Variants in TRIO observed in about 807,000 individuals in gnomAD.
The protein encoded by TRIO is trio Rho guanine nucleotide exchange factor, also known as triple functional domain protein.
Under a neutral mutation model 351.9 loss-of-function variants are expected in TRIO, and 58 were observed. That is an observed-to-expected ratio of 0.16 (90% CI 0.13 to 0.21). The LOEUF (loss-of-function observed/expected upper bound fraction) is 0.21. Ranked by LOEUF, TRIO falls within the 10% of genes least tolerant of loss-of-function variation. The probability of loss-of-function intolerance (pLI) is 1.00; values close to 1 mark genes in which losing one functional copy is unlikely to be tolerated. For synonymous variants in TRIO, 1,758 were observed against 1,595.7 expected (o/e 1.10, Z -2.42); for missense variants, 3,201 against 4,027.8 (o/e 0.79, Z 5.56).
At chr5:14,281,417 C>T (rs1296877121) in intron 3 of TRIO, among the ~76,000 whole-genome samples, 3 of 119,420 alleles carry the variant, frequency 2.5e-5, no homozygotes, top group Admixed American at 1.7e-4. Flanking sequence ...GGTGCTAAGC[C>T]GTTAGAACCC....
chr5:14,174,033 T>C (rs1004212623), intron 1 of TRIO, among the ~76,000 whole-genome samples: 1 of 152,228 alleles, frequency 6.6e-6, no homozygotes, highest in Non-Finnish European at 1.5e-5. Context: ...CAGAGAAATA[T>C]GTCTGCTGAC....
At chr5:14,150,971 C>A (rs929928325) in intron 1 of TRIO, among the ~76,000 whole-genome samples, 7 of 152,166 alleles carry the variant, frequency 4.6e-5, no homozygotes, top group Non-Finnish European at 5.9e-5. Flanking sequence ...TAGCTATAGA[C>A]AGTTACCATT....
chr5:14,286,943 C>G lies in TRIO; in HGVS notation c.420C>G (p.Pro140=), dbSNP rs761175553. The G allele has an allele frequency of 6.2e-7, 1 of 1,614,128 alleles. No homozygotes were observed. The highest frequency in any genetic ancestry group is 1.7e-5 in the Admixed American group (1 of 60,022). The change falls in exon 4 of 57, where the codon CCC becomes CCG. Residue 140 remains proline (P), a synonymous_variant. Transcript: ENST00000344204. This position sits in a 1 kb window ranked among gnomAD's most constrained non-coding sequence, Gnocchi z 4.4. The stretch of plus-strand genomic sequence containing the variant: ...GGTCCAAGTGGGACTCCATCAAGCC[C>G]CTTCTGAAGATCCTGCAGGAGTCCT... ...MRGSKWDSIK[P]LLKILQESFP...
At chr5:14,367,118 A>G (rs1405026100) in intron 16 of TRIO, 139 bp downstream of exon 16, 6 of 1,228,478 alleles carry the variant, frequency 4.9e-6, no homozygotes, top group African/African-American at 3.0e-5. Context: ...CAAATTGGCA[A>G]CGCTTCTAAG....
At chr5:14,395,010 C>T (rs1358200885) in intron 28 of TRIO, among the ~76,000 whole-genome samples, 1 of 152,142 alleles carries the variant, frequency 6.6e-6, no homozygotes, top group South Asian at 2.1e-4. Context: ...TTCTATGAAT[C>T]CTGCCATGTT....
At chr5:14,349,836 T>C (rs1742884269) in intron 11 of TRIO, among the ~76,000 whole-genome samples, 1 of 152,202 alleles carries the variant, frequency 6.6e-6, no homozygotes, top group African/African-American at 2.4e-5. Flanking sequence ...GTACTAAGCA[T>C]AGTACCCAAT....
At chr5:14,327,043 A>G (rs1361011783) in intron 9 of TRIO, among the ~76,000 whole-genome samples, 3 of 152,240 alleles carry the variant, frequency 2.0e-5, no homozygotes, top group African/African-American at 7.2e-5. Context: ...TTCTGTCTGA[A>G]GGAATCACTG....
intron 11 of TRIO, among the ~76,000 whole-genome samples, chr5:14,340,752 C>A (rs1393755156): frequency 1.3e-5 from 2 of 152,220 alleles, no homozygotes; most frequent in Non-Finnish European, 2.9e-5. Flanking sequence ...GGCTCTTAGA[C>A]TCCAAAAACT....
rs1314865419 is a variant in TRIO at position 14,143,596 on chromosome 5, G to T, written c.-130G>T. ...CGCCGCCGCCCCCCGCCGCCCCGGG[G>T]CTCTGCGTCCGCGCGCCGGGCGCGG... On this transcript the variant is annotated 5_prime_UTR_variant, in exon 1 of 57. Transcript: ENST00000344204. 5 of 198,390 alleles carry T rather than the reference G, an allele frequency of 2.5e-5. No individual in the cohort carries two copies. The highest frequency in any genetic ancestry group is 4.4e-5 in the Non-Finnish European group (5 of 113,216). The allele number at this position is 198,390 out of a possible 1,614,324, so 12.3% of individuals were successfully genotyped here. A position where few individuals can be genotyped will look rare whatever the true frequency, so the allele number is the denominator to read the frequency against.
Position 14,419,914 on chromosome 5 carries a change from G to A in TRIO, c.5096G>A (p.Arg1699Gln), listed in dbSNP as rs1749972724. The A allele has an allele frequency of 1.2e-6, 2 of 1,614,146 alleles. No individual in the cohort carries two copies. The highest frequency in any genetic ancestry group is 1.7e-6 in the Non-Finnish European group (2 of 1,180,004). ...PHDKPDWCLV[R>Q]TTDRSPAAEG... is the part of the protein sequence containing the mutation. Reference sequence around the variant, plus strand: ...GACAAGCCTGACTGGTGTCTGGTGCGGACAACTGACCGCTCCCCAGCGGCA... The same window carrying A: ...GACAAGCCTGACTGGTGTCTGGTGCAGACAACTGACCGCTCCCCAGCGGCA... Residue 1699 changes from arginine to glutamine, a missense_variant, in exon 34 of 57, where the codon CGG becomes CAG. Arg to Gln is a conservative substitution (Grantham distance 43). This residue lies in a region of TRIO where 193 missense variants were observed against 218.8 expected (regional missense o/e 0.88). Transcript: ENST00000344204.
intron 9 of TRIO, among the ~76,000 whole-genome samples, chr5:14,328,074 A>G (rs910927010): frequency 1.1e-4 from 17 of 152,272 alleles, no homozygotes; most frequent in African/African-American, 2.2e-4. Flanking sequence ...ATGAGTTAAA[A>G]TAATGTGCTC....
chr5:14,152,464 G>A (rs1581237351), intron 1 of TRIO, among the ~76,000 whole-genome samples: 1 of 152,146 alleles, frequency 6.6e-6, no homozygotes, highest in Non-Finnish European at 1.5e-5. Flanking sequence ...TCTGCCTCCC[G>A]GGTTCAAGCA....
intron 4 of TRIO, among the ~76,000 whole-genome samples, chr5:14,288,937 G>T (rs1258790457): frequency 6.6e-6 from 1 of 152,138 alleles, no homozygotes; most frequent in Non-Finnish European, 1.5e-5. Context: ...TCATGATAAG[G>T]TGAGGTTAAG....
intron 48 of TRIO, 68 bp from the exon 49 acceptor site, chr5:14,492,499 A>G: frequency 6.3e-7 from 1 of 1,578,814 alleles, no homozygotes; most frequent in East Asian, 2.2e-5. Flanking sequence ...CTGACAAGGG[A>G]TTTCATGTGA....
chr5:14,473,985 T>A lies in TRIO; in HGVS notation c.5980-9T>A. On this transcript the variant is annotated splice_polypyrimidine_tract_variant and intron_variant, in intron 39 of 56. Coordinates refer to ENST00000344204, the MANE Select transcript of TRIO (RefSeq NM_007118.4). ...ATGAAATACACTTATCATAACTGTT[T>A]AATTGTAGGGCTACATGGCACTTAT... is the stretch of plus-strand genomic sequence containing the variant. 6.2e-7 allele frequency: 1 copy of A among 1,609,856 alleles called. No individual in the cohort carries two copies. The highest frequency in any genetic ancestry group is 8.5e-7 in the Non-Finnish European group (1 of 1,176,520).
chr5:14,271,899 T>C (rs1795996889), intron 2 of TRIO, among the ~76,000 whole-genome samples: 1 of 152,244 alleles, frequency 6.6e-6, no homozygotes, highest in Non-Finnish European at 1.5e-5. Context: ...TAATCTTGTT[T>C]TGCTTCATGT....
intron 26 of TRIO, 25 bp downstream of exon 26, chr5:14,390,325 C>G (rs1437897109): frequency 6.2e-7 from 1 of 1,609,442 alleles, no homozygotes; most frequent in Admixed American, 1.7e-5. Context: ...ACCATTTGTT[C>G]TCTCCCAGCT....
intron 8 of TRIO, 51 bp from the exon 9 acceptor site, chr5:14,316,462 C>A: frequency 6.3e-7 from 1 of 1,596,244 alleles, no homozygotes; most frequent in Non-Finnish European, 8.6e-7. Flanking sequence ...TGTGGCACAG[C>A]CTAGGCCAAA....
At chr5:14,178,968 G>A (rs1039328552) in intron 1 of TRIO, among the ~76,000 whole-genome samples, 2 of 152,166 alleles carry the variant, frequency 1.3e-5, no homozygotes, top group Non-Finnish European at 2.9e-5. Flanking sequence ...GGATTTGTCA[G>A]CCCCCAGGAC....
Sources: gnomAD v4.1 joint callset for allele counts (sites outside exome capture counted in the v4.1 genomes callset) on GRCh38, gnomAD v4.1.1 for gene constraint, gnomAD v4.1.1 regional missense constraint, Gnocchi (gnomAD v3.1) non-coding constraint, MANE v1.5 for transcripts, NCBI Gene and HGNC (gene_info 2026-07-23, HGNC 2026-07-21) for gene names.